Variants in MEX3B observed in about 807,000 individuals in gnomAD.
MEX3B encodes the protein mex-3 RNA binding family member B.
Under a neutral mutation model 12.2 loss-of-function variants are expected in MEX3B, and 10 were observed. That is an observed-to-expected ratio of 0.82 (90% CI 0.51 to 1.40). The LOEUF is 1.40. Ranked by LOEUF, MEX3B falls within the 40% of genes most tolerant of loss-of-function variation. The pLI is 0.00. For synonymous variants in MEX3B, 498 were observed against 356.3 expected, an observed-to-expected ratio of 1.40 and a Z score of -4.48; for missense variants, 839 against 801.4, an observed-to-expected ratio of 1.05 and a Z score of -0.57.
At chr15:82,045,425 A>ACCCCCC in intron 1 of MEX3B, 25 bp downstream of exon 1, 2 of 763,712 alleles carry the variant, frequency 2.6e-6, no homozygotes, top group Non-Finnish European at 3.9e-6. Flanking sequence ...ACCCCCACCC[A>ACCCCCC]CCTCCCCATC....
chr15:82,043,718 C>T lies in MEX3B; in HGVS notation c.1152G>A (p.Pro384=). ...ATACCGGAGCTGCAGGTCCGCCTCC[C>T]GGGGACCGCTCGAACTGGGCCCAGA... ...PLIWAQFERS[P]GGGPAAPVSS... is the part of the protein sequence containing the mutation. The change falls in exon 2 of 2, where the codon CCG becomes CCA. Residue 384 remains proline (P), a synonymous_variant. Coordinates refer to ENST00000329713, the MANE Select transcript of MEX3B (RefSeq NM_032246.6). The T allele has an allele frequency of 6.3e-7, 1 of 1,585,296 alleles. No homozygotes were observed. The highest frequency in any genetic ancestry group is 1.2e-5 in the South Asian group (1 of 85,700).
At position 82,045,933 on chromosome 15, in the gene MEX3B, C is replaced by T; in HGVS notation, c.-228G>A. 3 of 424,010 alleles carry T rather than the reference C, an allele frequency of 7.1e-6. No homozygotes were observed. Among genetic ancestry groups the T allele is most frequent in the Non-Finnish European group, 4.0e-6 (1 of 252,552 alleles). 26.3% of individuals were successfully genotyped at this position (424,010 alleles called of 1,614,324 possible). On this transcript the variant is annotated 5_prime_UTR_variant, in exon 1 of 2. Coordinates refer to ENST00000329713, the MANE Select transcript of MEX3B (RefSeq NM_032246.6). ...TGGGTCCCCACCCCAGACCTGCTGG[C>T]GGGTGGGGTGGGGGCAGAGCTCTAG... is the stretch of plus-strand genomic sequence containing the variant.
rs919628923 is a variant in MEX3B, at chr15:82,045,920, C to A, written c.-215G>T. On this transcript the variant is annotated 5_prime_UTR_variant, in exon 1 of 2. Transcript: ENST00000329713. ...AGGAGCCCCCACCTGGGTCCCCACC[C>A]CAGACCTGCTGGCGGGTGGGGTGGG... is the stretch of plus-strand genomic sequence containing the variant. The A allele has an allele frequency of 2.2e-6, 1 of 450,398 alleles. No individual in the cohort carries two copies. The allele number at this position is 450,398 out of a possible 1,614,324, so 27.9% of individuals were successfully genotyped here.
In MEX3B at chr15:82,043,158, C is replaced by CT. The variant is rs780208350; in HGVS notation, c.*1dup. The CT allele has an allele frequency of 1.1e-5, 17 of 1,526,186 alleles. No homozygotes were observed. The highest frequency in any genetic ancestry group is 1.3e-5 in the Non-Finnish European group (15 of 1,136,100). 94.5% of individuals were successfully genotyped at this position (1,526,186 alleles called of 1,614,324 possible). A position where few individuals can be genotyped will look rare whatever the true frequency, so the allele number is the denominator to read the frequency against. On this transcript the variant is annotated 3_prime_UTR_variant, in exon 2 of 2. Transcript: ENST00000329713. ...GGTGCGCACTAGCAGCGCCCGCTGCCTTTAAGAAAAGATGCGGATGGCCTG... is the reference window on the plus strand; with the variant it reads ...GGTGCGCACTAGCAGCGCCCGCTGCCTTTTAAGAAAAGATGCGGATGGCCTG...
chr15:82,045,255 G>C, intron 1 of MEX3B, 195 bp downstream of exon 1: 1 of 730,606 alleles, frequency 1.4e-6, no homozygotes, highest in Non-Finnish European at 2.4e-6. Context: ...CATCCCGCCA[G>C]GGCAGCGGCG....
In MEX3B at chr15:82,043,406, C is replaced by T. The variant is rs2073232669; in HGVS notation, c.1464G>A (p.Ser488=). Residue 488 remains serine, a synonymous_variant, in exon 2 of 2, where the codon TCG becomes TCA. Coordinates refer to ENST00000329713, the MANE Select transcript of MEX3B (RefSeq NM_032246.6). ...LGAQLPGLQP[S]DTSGSSSSSS... ...ACGAAGAGGAGGAGCCCGACGTGTC[C>T]GACGGCTGCAAGCCAGGCAGCTGTG... The T allele has an allele frequency of 2.5e-6, 4 of 1,578,064 alleles. No homozygotes were observed. The highest frequency in any genetic ancestry group is 1.7e-6 in the Non-Finnish European group (2 of 1,162,072).
At position 82,042,780 on chromosome 15, in the gene MEX3B, C is replaced by A. The variant is rs2073227821; in HGVS notation, c.*380G>T. ...TCATAATTATTACTGTTCATTTTTT[C>A]CTACTTTAAGAAAATGGAAAACTTG... On this transcript the variant is annotated 3_prime_UTR_variant, in exon 2 of 2. Transcript: ENST00000329713. 1 of 162,152 alleles carries A rather than the reference C, an allele frequency of 6.2e-6. No individual in the cohort carries two copies. The highest frequency in any genetic ancestry group is 1.3e-5 in the Non-Finnish European group (1 of 75,006). 10.0% of individuals were successfully genotyped at this position (162,152 alleles called of 1,614,324 possible).
Position 82,044,099 on chromosome 15 carries a change from G to T in MEX3B, c.771C>A (p.Gly257=). Residue 257 remains glycine (G), a synonymous_variant, in exon 2 of 2, where the codon GGC becomes GGA. Coordinates refer to ENST00000329713, the MANE Select transcript of MEX3B (RefSeq NM_032246.6). This position sits in a 1 kb window ranked among gnomAD's most constrained non-coding sequence, Gnocchi z 5.3. The part of the protein sequence containing the change: ...DVGFDLHHGS[G]GSGPGSLWSK... The stretch of plus-strand genomic sequence containing the variant: ...TCCAGAGGCTGCCTGGGCCGGACCC[G>T]CCGGACCCATGATGCAGATCGAAGC... 6.2e-7 allele frequency: 1 copy of T among 1,612,226 alleles called. No homozygotes were observed. The highest frequency in any genetic ancestry group is 8.5e-7 in the Non-Finnish European group (1 of 1,179,822).
Position 82,045,706 on chromosome 15 carries a change from C to T in MEX3B, c.-1G>A, listed in dbSNP as rs2073254047. On this transcript the variant is annotated 5_prime_UTR_variant, in exon 1 of 2. Coordinates refer to ENST00000329713, the MANE Select transcript of MEX3B (RefSeq NM_032246.6). ...GGTCTGCGAACAGCGAGCTGGGCAT[C>T]GCTCGGCCGTGCGCGCCGCGCCCCC... 1.4e-6 allele frequency: 2 copies of T among 1,417,366 alleles called. No individual in the cohort carries two copies. Among genetic ancestry groups the T allele is most frequent in the African/African-American group, 1.5e-5 (1 of 67,176 alleles). The allele number at this position is 1,417,366 out of a possible 1,614,324, so 87.8% of individuals were successfully genotyped here.
In MEX3B at chr15:82,043,655, A is replaced by G; in HGVS notation, c.1215T>C (p.Ser405=). 1 of 1,611,196 alleles carries G rather than the reference A, an allele frequency of 6.2e-7. No individual in the cohort carries two copies. Among genetic ancestry groups the G allele is most frequent in the South Asian group, 1.1e-5 (1 of 90,770 alleles). The change falls in exon 2 of 2, where the codon TCT becomes TCC. Residue 405 remains serine (S), a synonymous_variant. Coordinates refer to ENST00000329713, the MANE Select transcript of MEX3B (RefSeq NM_032246.6). ...SCSSSASSSA[S]SSSVVFPGGG... is the part of the protein sequence containing the mutation. ...CCCCGGGGAAGACCACGGAGGAGGA[A>G]GAAGCAGACGAAGATGCAGAAGAAG...
chr15:82,043,117 C>A lies in MEX3B; in HGVS notation c.*43G>T, dbSNP rs1266281236. On this transcript the variant is annotated 3_prime_UTR_variant, in exon 2 of 2. Coordinates refer to ENST00000329713, the MANE Select transcript of MEX3B (RefSeq NM_032246.6). ...GGGGAAAGAGGGTGGGGAGGGGTTC[C>A]CCCTTCCCCCAGCACGGTGCGCACT... is the stretch of plus-strand genomic sequence containing the variant. 1 of 1,436,658 alleles carries A rather than the reference C, an allele frequency of 7.0e-7. No individual in the cohort carries two copies. Among genetic ancestry groups the A allele is most frequent in the African/African-American group, 1.5e-5 (1 of 68,790 alleles). 89.0% of individuals were successfully genotyped at this position (1,436,658 alleles called of 1,614,324 possible).
At position 82,042,927 on chromosome 15, in the gene MEX3B, C is replaced by A; in HGVS notation, c.*233G>T. The stretch of plus-strand genomic sequence containing the variant: ...TCAGGTGTTCAGGTTTCCCAGGCTA[C>A]AGTACTCTTGATGCAGATATCCTGG... On this transcript the variant is annotated 3_prime_UTR_variant, in exon 2 of 2. Transcript: ENST00000329713. 2.6e-6 allele frequency: 1 copy of A among 388,824 alleles called. No homozygotes were observed. The highest frequency in any genetic ancestry group is 4.6e-6 in the Non-Finnish European group (1 of 219,768). The allele number at this position is 388,824 out of a possible 1,614,324, so 24.1% of individuals were successfully genotyped here.
In MEX3B at chr15:82,043,870, T is replaced by C; in HGVS notation, c.1000A>G (p.Asn334Asp). Residue 334 changes from asparagine to aspartate, a missense_variant, in exon 2 of 2, where the codon AAC becomes GAC. Transcript: ENST00000329713. ...TAGGTGTACCCATTGCCGTTATTGT[T>C]ATTGTTTCCGTTGTGCGCAAAGCTC... is the stretch of plus-strand genomic sequence containing the variant. ...ALSFAHNGNN[N>D]NNGNGYTYTA... 6.3e-7 allele frequency: 1 copy of C among 1,590,708 alleles called. No homozygotes were observed. Among genetic ancestry groups the C allele is most frequent in the Non-Finnish European group, 8.6e-7 (1 of 1,169,042 alleles).
Position 82,043,497 on chromosome 15 carries a change from C to T in MEX3B, c.1373G>A (p.Arg458His), listed in dbSNP as rs200650374. ...APGAGEHHLA[R>H]RVRSDPGGGG... is the part of the protein sequence containing the mutation. ...TCCACCCGGGTCGCTGCGCACCCGG[C>T]GAGCCAGGTGGTGCTCTCCCGCCCC... Residue 458 changes from arginine (R) to histidine (H), a missense_variant, in exon 2 of 2, where the codon CGC becomes CAC. By Grantham distance (29) the Arg-to-His change is conservative. This residue lies in a region of MEX3B where 573 missense variants were observed against 488.9 expected (regional missense o/e 1.17). Coordinates refer to ENST00000329713, the MANE Select transcript of MEX3B (RefSeq NM_032246.6). The T allele has an allele frequency of 1.3e-6, 2 of 1,510,184 alleles. No individual in the cohort carries two copies. The highest frequency in any genetic ancestry group is 1.4e-5 in the African/African-American group (1 of 72,088). The allele number at this position is 1,510,184 out of a possible 1,614,324, so 93.5% of individuals were successfully genotyped here.
rs775977056 is a variant in MEX3B at position 82,044,263 on chromosome 15, G to A, written c.607C>T (p.Pro203Ser). The part of the protein sequence containing the change: ...YIVTPSRDKE[P>S]VFEVTGMPEN... ...GGCATGCCGGTCACCTCGAACACCG[G>A]CTCCTTATCCCGGCTGGGCGTCACG... Residue 203 changes from proline to serine, a missense_variant, in exon 2 of 2, where the codon CCG (proline) becomes TCG (serine). Physicochemically the swap from Pro to Ser is moderately conservative, Grantham distance 74. Around this residue, in one of 3 missense-constraint regions of MEX3B, gnomAD observed 52 missense variants for 88.7 expected, o/e 0.59. Coordinates refer to ENST00000329713, the MANE Select transcript of MEX3B (RefSeq NM_032246.6). This position sits in a 1 kb window ranked among gnomAD's most constrained non-coding sequence, Gnocchi z 5.3. 4 of 1,613,964 alleles carry A rather than the reference G, an allele frequency of 2.5e-6. No homozygotes were observed. Among genetic ancestry groups the A allele is most frequent in the Non-Finnish European group, 3.4e-6 (4 of 1,180,016 alleles).
rs61752328 is a variant in MEX3B, at chr15:82,043,586, C to T, written c.1284G>A (p.Val428=). 5,120 of 1,576,146 alleles carry T rather than the reference C, an allele frequency of 3.2e-3. 12 individuals carry two copies. Among genetic ancestry groups the T allele is most frequent in the Admixed American group, 4.0e-3 (213 of 52,878 alleles). Reference sequence around the variant, plus strand: ...TGGTGCCAGGGTGCAGCCGGCGGTGCACCAATAGCCCCAGGTTGGCGTTGG... The same window carrying T: ...TGGTGCCAGGGTGCAGCCGGCGGTGTACCAATAGCCCCAGGTTGGCGTTGG... ...APSNANLGLL[V]HRRLHPGTSC... The change falls in exon 2 of 2, where the codon GTG becomes GTA. Residue 428 remains valine, a synonymous_variant. Coordinates refer to ENST00000329713, the MANE Select transcript of MEX3B (RefSeq NM_032246.6).
chr15:82,044,264 C>T lies in MEX3B; in HGVS notation c.606G>A (p.Glu202=), dbSNP rs1439558668. 6.2e-7 allele frequency: 1 copy of T among 1,613,868 alleles called. No homozygotes were observed. Among genetic ancestry groups the T allele is most frequent in the African/African-American group, 1.3e-5 (1 of 74,948 alleles). The change falls in exon 2 of 2, where the codon GAG becomes GAA. Residue 202 remains glutamate, a synonymous_variant. Transcript: ENST00000329713. The surrounding 1 kb of genome is among the most constrained non-coding windows in gnomAD (Gnocchi z 5.3). ...TYIVTPSRDK[E]PVFEVTGMPE... Reference sequence around the variant, plus strand: ...GCATGCCGGTCACCTCGAACACCGGCTCCTTATCCCGGCTGGGCGTCACGA... The same window carrying T: ...GCATGCCGGTCACCTCGAACACCGGTTCCTTATCCCGGCTGGGCGTCACGA...
In MEX3B at chr15:82,044,866, C is replaced by G. The variant is rs1567017722; in HGVS notation, c.257-253G>C. 5.1e-6 allele frequency: 3 copies of G among 590,208 alleles called. No homozygotes were observed. The highest frequency in any genetic ancestry group is 2.8e-5 in the East Asian group (1 of 35,288). 36.6% of individuals were successfully genotyped at this position (590,208 alleles called of 1,614,324 possible). A position where few individuals can be genotyped will look rare whatever the true frequency, so the allele number is the denominator to read the frequency against. ...CCTCCCCCAGTGACTGCAGTCGTCC[C>G]GAACCAAACCCGAGAATCCCAGAAA... On this transcript the variant is annotated intron_variant, in intron 1 of 1. Coordinates refer to ENST00000329713, the MANE Select transcript of MEX3B (RefSeq NM_032246.6). This position sits in a 1 kb window ranked among gnomAD's most constrained non-coding sequence, Gnocchi z 5.3.
chr15:82,044,396 G>T lies in MEX3B; in HGVS notation c.474C>A (p.Pro158=). 1 of 1,611,142 alleles carries T rather than the reference G, an allele frequency of 6.2e-7. No homozygotes were observed. The highest frequency in any genetic ancestry group is 8.5e-7 in the Non-Finnish European group (1 of 1,179,422). The change falls in exon 2 of 2, where the codon CCC becomes CCA. Residue 158 remains proline (P), a synonymous_variant. Coordinates refer to ENST00000329713, the MANE Select transcript of MEX3B (RefSeq NM_032246.6). The surrounding 1 kb of genome is among the most constrained non-coding windows in gnomAD (Gnocchi z 5.3). ...NGAVPGPPNL[P]GQTTIQVRVP... ...CCCGCACTTGGATGGTGGTCTGCCC[G>T]GGCAGGTTGGGCGGCCCAGGCACCG...
Sources: gnomAD v4.1 joint callset for allele counts on GRCh38, gnomAD v4.1.1 for gene constraint, gnomAD v4.1.1 regional missense constraint, Gnocchi (gnomAD v3.1) non-coding constraint, MANE v1.5 for transcripts, NCBI Gene and HGNC (gene_info 2026-07-23, HGNC 2026-07-21) for gene names.